Variants in RMDN3 observed in about 807,000 individuals in gnomAD.
RMDN3 encodes the protein regulator of microtubule dynamics protein 3.
Under a neutral mutation model 61.8 loss-of-function variants are expected in RMDN3, and 41 were observed. The ratio of observed to expected loss-of-function variants is 0.66; its 90% CI spans 0.52 to 0.86. RMDN3 has a LOEUF of 0.86. Among genes scored for constraint, RMDN3 ranks in the 40% least tolerant of loss-of-function variants. The probability of loss-of-function intolerance (pLI) is 0.00; values close to 1 mark genes in which losing one functional copy is unlikely to be tolerated. For missense variants in RMDN3, 557 were observed against 585.3 expected, an observed-to-expected ratio of 0.95 and a Z score of 0.50; for synonymous variants, 247 against 232.0, an observed-to-expected ratio of 1.06 and a Z score of -0.59.
intron 4 of RMDN3, among the ~76,000 whole-genome samples, chr15:40,746,324 GC>G (rs757791577): frequency 2.6e-5 from 4 of 152,040 alleles, no homozygotes; most frequent in Non-Finnish European, 4.4e-5. Flanking sequence ...GACCATCCTG[GC>G]TAACACGGTG....
At chr15:40,744,485 G>T (rs908518877) in intron 5 of RMDN3, among the ~76,000 whole-genome samples, 1 of 148,070 alleles carries the variant, frequency 6.8e-6, no homozygotes, top group African/African-American at 2.5e-5. Flanking sequence ...AAGGAAAAGG[G>T]AAACTTCTAA....
intron 9 of RMDN3, 33 bp from the exon 10 acceptor site, chr15:40,737,759 G>A (rs759602144): frequency 1.3e-6 from 2 of 1,592,906 alleles, no homozygotes; most frequent in Non-Finnish European, 1.7e-6. Flanking sequence ...TGTATAAGAG[G>A]TTTTAAAAGG....
intron 2 of RMDN3, 81 bp from the exon 3 acceptor site, chr15:40,752,259 C>T (rs1897862156): frequency 1.4e-6 from 2 of 1,400,296 alleles, no homozygotes; most frequent in Non-Finnish European, 2.0e-6. Context: ...TTCAAGAATA[C>T]CTGCTTTCCA....
chr15:40,745,792 G>A (rs975750165), intron 4 of RMDN3, among the ~76,000 whole-genome samples: 2 of 152,166 alleles, frequency 1.3e-5, no homozygotes, highest in South Asian at 2.1e-4. Context: ...GTCCCTGCTC[G>A]TTTTTGCCTT....
chr15:40,745,344 A>C, intron 4 of RMDN3, 85 bp from the exon 5 acceptor site: 1 of 1,323,762 alleles, frequency 7.6e-7, no homozygotes. Flanking sequence ...CCAAAGAAGC[A>C]CTCTACATGG....
intron 2 of RMDN3, 108 bp downstream of exon 2, chr15:40,754,489 C>T (rs1487614592): frequency 2.8e-5 from 33 of 1,181,190 alleles, no homozygotes; most frequent in Non-Finnish European, 3.8e-5. Flanking sequence ...AAGTGAAACC[C>T]TAAAGCACTT....
rs2141926265 is a variant in RMDN3 at position 40,752,065 on chromosome 15, G to C, written c.301C>G (p.Leu101Val). 6.2e-7 allele frequency: 1 copy of C among 1,614,212 alleles called. No homozygotes were observed. ...TCCACCTCCCGCCGCAGCGCCACAA[G>C]GCTGGTCAGCACAAAGTCCAGGCGG... ...LDRLDFVLTSLVALRREVEEL... is the reference protein window; with the variant it reads ...LDRLDFVLTSVVALRREVEEL... Residue 101 changes from leucine (L) to valine (V), a missense_variant, in exon 3 of 13, where the codon CTT becomes GTT. By Grantham distance (32) the Leu-to-Val change is conservative. Coordinates refer to ENST00000338376, the MANE Select transcript of RMDN3 (RefSeq NM_018145.3).
intron 4 of RMDN3, among the ~76,000 whole-genome samples, chr15:40,745,983 C>T (rs1205350100): frequency 2.0e-5 from 3 of 152,180 alleles, no homozygotes; most frequent in Non-Finnish European, 4.4e-5. Flanking sequence ...GTGATAGGAA[C>T]CACTTTGCAG....
intron 4 of RMDN3, 80 bp from the exon 5 acceptor site, chr15:40,745,339 G>A: frequency 7.2e-7 from 1 of 1,381,360 alleles, no homozygotes; most frequent in Non-Finnish European, 1.0e-6. Flanking sequence ...CACCCCCAAA[G>A]AAGCACTCTA....
intron 1 of RMDN3, 86 bp downstream of exon 1, chr15:40,754,997 T>G: frequency 1.9e-6 from 1 of 537,984 alleles, no homozygotes. Flanking sequence ...CTGCCTCTCT[T>G]CTCACCCAGC....
intron 6 of RMDN3, among the ~76,000 whole-genome samples, chr15:40,741,886 C>T (rs1195918511): frequency 6.6e-6 from 1 of 151,942 alleles, no homozygotes; most frequent in African/African-American, 2.4e-5. Flanking sequence ...CTCAGCCTCC[C>T]AAAGTGCTGT....
intron 6 of RMDN3, among the ~76,000 whole-genome samples, chr15:40,741,016 A>C (rs562159251): frequency 1.3e-5 from 2 of 152,100 alleles, no homozygotes; most frequent in Admixed American, 6.6e-5. Context: ...CCTGGGAGGC[A>C]GAAGTTGCAA....
At position 40,752,049 on chromosome 15, in the gene RMDN3, C is replaced by G. The variant is rs755740334; in HGVS notation, c.317G>C (p.Arg106Pro). The G allele has an allele frequency of 6.2e-7, 1 of 1,614,134 alleles. No homozygotes were observed. Residue 106 changes from arginine (R) to proline (P), a missense_variant, in exon 3 of 13, where the codon CGG becomes CCG. Coordinates refer to ENST00000338376, the MANE Select transcript of RMDN3 (RefSeq NM_018145.3). ...GCTGCTTCTCAGCTCCTCCACCTCC[C>G]GCCGCAGCGCCACAAGGCTGGTCAG... The part of the protein sequence containing the change: ...FVLTSLVALR[R>P]EVEELRSSLR...
chr15:40,739,904 GA>G (rs1897211406), intron 7 of RMDN3, among the ~76,000 whole-genome samples: 1 of 152,060 alleles, frequency 6.6e-6, no homozygotes, highest in Non-Finnish European at 1.5e-5. Flanking sequence ...AGCCCCATCA[GA>G]AAAAAAGCTT....
chr15:40,752,216 G>T, intron 2 of RMDN3, 38 bp from the exon 3 acceptor site: 1 of 1,590,504 alleles, frequency 6.3e-7, no homozygotes, highest in Non-Finnish European at 8.6e-7. Context: ...TGACACACAG[G>T]AATATGGTGG....
At position 40,744,990 on chromosome 15, in the gene RMDN3, T is replaced by C. The variant is rs756864012; in HGVS notation, c.794A>G (p.Asn265Ser). Residue 265 changes from asparagine (N) to serine (S), a missense_variant, in exon 5 of 13, where the codon AAC becomes AGC. Physicochemically the swap from Asn to Ser is conservative, Grantham distance 46. Coordinates refer to ENST00000338376, the MANE Select transcript of RMDN3 (RefSeq NM_018145.3). ...GKREGFQLLL[N>S]NKLVYGSRQD... ...CTGGAGCCTCACCACCAGCTTGTTG[T>C]TGAGCAGCAGCTGGAAGCCCTCCCG... 4 of 1,603,596 alleles carry C rather than the reference T, an allele frequency of 2.5e-6. No individual in the cohort carries two copies. The highest frequency in any genetic ancestry group is 1.3e-5 in the African/African-American group (1 of 74,686).
chr15:40,737,229 T>G, intron 11 of RMDN3, 25 bp from the exon 12 acceptor site: 1 of 1,612,482 alleles, frequency 6.2e-7, no homozygotes, highest in African/African-American at 1.3e-5. Context: ...CAGTGAAACC[T>G]GATACTGTGT....
rs1897089140 is a variant in RMDN3, at chr15:40,737,189, C to T, written c.1294G>A (p.Gly432Arg). 1.2e-6 allele frequency: 2 copies of T among 1,614,108 alleles called. No individual in the cohort carries two copies. The highest frequency in any genetic ancestry group is 1.3e-5 in the African/African-American group (1 of 74,936). The change falls in exon 12 of 13, where the codon GGG becomes AGG. Residue 432 changes from glycine (G) to arginine (R), a missense_variant. By Grantham distance (125) the Gly-to-Arg change is moderately radical. Transcript: ENST00000338376. The part of the protein sequence containing the change: ...VYISKCYREL[G>R]KNSEARWWMK... ...CACCATCTAGCTTCAGAGTTTTTCCCTAGTTCTCTGTAGCACTGAAAAGAG... is the reference window on the plus strand; with the variant it reads ...CACCATCTAGCTTCAGAGTTTTTCCTTAGTTCTCTGTAGCACTGAAAAGAG...
chr15:40,754,859 T>G, intron 1 of RMDN3, 69 bp from the exon 2 acceptor site: 1 of 1,342,578 alleles, frequency 7.4e-7, no homozygotes, highest in Non-Finnish European at 1.0e-6. Flanking sequence ...GAGAGAGAGA[T>G]TCGTGAACCC....
Sources: allele counts gnomAD v4.1 joint callset (sites outside exome capture counted in the v4.1 genomes callset), GRCh38; gene constraint gnomAD v4.1.1; transcripts MANE v1.5; gene names NCBI Gene and HGNC (gene_info 2026-07-23, HGNC 2026-07-21).